Variants in ARSL observed in about 807,000 individuals in gnomAD.
ARSL encodes the protein arylsulfatase L.
In ARSL, 4 loss-of-function variants were observed where a neutral mutation model predicts 31.1. The ratio of observed to expected loss-of-function variants is 0.13; its 90% CI spans 0.06 to 0.29. ARSL has a LOEUF of 0.29. ARSL is among the 10% of genes least tolerant of loss of function. The pLI is 1.00. For synonymous variants in ARSL, 198 were observed against 209.9 expected (o/e 0.94, Z 0.49); for missense variants, 312 against 497.8 (o/e 0.63, Z 3.55).
At chrX:2,961,220 G>A (rs2089628484) in intron 1 of ARSL, among the ~76,000 whole-genome samples, 1 of 111,416 alleles carries the variant, frequency 9.0e-6, no homozygotes, top group Non-Finnish European at 1.9e-5. Flanking sequence ...AGCACAGAGG[G>A]GCGGCCCCTC....
chrX:2,947,695 C>T (rs1325638200), intron 6 of ARSL, among the ~76,000 whole-genome samples: 3 of 111,894 alleles, frequency 2.7e-5, no homozygotes, highest in Non-Finnish European at 3.8e-5. Flanking sequence ...CCCAGGAGTT[C>T]GAGACCAGCC....
chrX:2,966,425 A>T (rs1380695922), upstream of ARSL, among the ~76,000 whole-genome samples: 2 of 108,997 alleles, frequency 1.8e-5, no homozygotes, highest in Non-Finnish European at 1.9e-5. Flanking sequence ...CATAATTATT[A>T]TATATAATAT....
At chrX:2,938,798 G>A (rs762776513) in intron 8 of ARSL, among the ~76,000 whole-genome samples, 28 of 111,932 alleles carry the variant, frequency 2.5e-4, no homozygotes, top group Non-Finnish European at 4.5e-4. Flanking sequence ...ATCAAGTTAA[G>A]GACCTTGAGA....
intron 2 of ARSL, chrX:2,960,037 A>G (rs1178554815): frequency 1.4e-5 from 3 of 208,462 alleles, no homozygotes; most frequent in Non-Finnish European, 2.6e-5. Context: ...TGGGAGGCCG[A>G]GGCGGGCGGA....
intron 2 of ARSL, 115 bp downstream of exon 2, chrX:2,960,263 C>G (rs12836850): frequency 4.9e-6 from 1 of 202,522 alleles, no homozygotes; most frequent in Non-Finnish European, 7.8e-6. Context: ...AGTGAGACTC[C>G]GTCTCAAAAA....
At chrX:2,963,505 C>T (rs980719086) in intron 1 of ARSL, among the ~76,000 whole-genome samples, 1 of 100,079 alleles carries the variant, frequency 1.0e-5, no homozygotes, top group Non-Finnish European at 2.0e-5. Context: ...AGGAAAAGTG[C>T]TCTTTTTCTA....
rs1242404525 is a variant in ARSL, at chrX:2,943,177, G to C, written c.1014C>G (p.Asp338Glu). ...WMVGRILDTLDVEGLSNSTLI... is the reference protein window; with the variant it reads ...WMVGRILDTLEVEGLSNSTLI... The stretch of plus-strand genomic sequence containing the variant: ...GGGTGCTGTTGCTCAAACCCTCCAC[G>C]TCCAAAGTGTCAAGGATCCGTCCTG... The change falls in exon 8 of 11, where the codon GAC (aspartate) becomes GAG (glutamate). Residue 338 changes from aspartate (D) to glutamate (E), a missense_variant. By Grantham distance (45) the Asp-to-Glu change is conservative. Transcript: ENST00000381134. 7.4e-6 allele frequency: 9 copies of C among 1,210,765 alleles called. No homozygotes were observed. Among genetic ancestry groups the C allele is most frequent in the Admixed American group, 2.2e-5 (1 of 45,952 alleles).
Position 2,958,420 on chromosome X carries a change from G to A in ARSL, c.39C>T (p.Ser13=). The A allele has an allele frequency of 1.7e-6, 2 of 1,212,014 alleles. No homozygotes were observed. The highest frequency in any genetic ancestry group is 2.2e-6 in the Non-Finnish European group (2 of 895,581). The stretch of plus-strand genomic sequence containing the variant: ...GTACAGCGAGCATCGCTGGCAGCCA[G>A]CTCCTGAAACACAAACTGTCAGAGA... ...HLHHSCLCFR[S]WLPAMLAVLL... is the part of the protein sequence containing the mutation. Residue 13 remains serine, a synonymous_variant, in exon 3 of 11, where the codon AGC becomes AGT. Transcript: ENST00000381134.
chrX:2,960,123 GC>G (rs1269285017), intron 2 of ARSL, among the ~76,000 whole-genome samples: 4 of 94,010 alleles, frequency 4.3e-5, no homozygotes, highest in Non-Finnish European at 8.8e-5. Flanking sequence ...CAAAAAATTA[GC>G]CGGGCGTGGT....
intron 3 of ARSL, among the ~76,000 whole-genome samples, chrX:2,956,435 C>T (rs187397016): frequency 2.7e-5 from 3 of 111,218 alleles, no homozygotes; most frequent in Non-Finnish European, 3.8e-5. Context: ...TTACAGGCAA[C>T]GACACTGATT....
At chrX:2,963,533 CTTTTTTTTTTTTTT>C (rs769134287) in intron 1 of ARSL, among the ~76,000 whole-genome samples, 1 of 59,805 alleles carries the variant, frequency 1.7e-5, no homozygotes, top group Non-Finnish European at 2.9e-5. Context: ...TTTTCTTTTC[CTTTTTTTTTTTTTT>C]TTTTTTTTTT....
intron 7 of ARSL, among the ~76,000 whole-genome samples, chrX:2,945,317 G>A (rs900705897): frequency 1.8e-5 from 2 of 111,820 alleles, no homozygotes; most frequent in African/African-American, 6.5e-5. Context: ...TAGGATCTGG[G>A]CAGCAGCAGG....
At chrX:2,943,716 T>C (rs112504680) in intron 7 of ARSL, among the ~76,000 whole-genome samples, 1 of 79,689 alleles carries the variant, frequency 1.3e-5, no homozygotes, top group Admixed American at 2.0e-4. Flanking sequence ...CGCTCCAGCC[T>C]GGGTGACAGA....
chrX:2,961,406 T>C (rs1603462495), intron 1 of ARSL, among the ~76,000 whole-genome samples: 1 of 111,630 alleles, frequency 9.0e-6, no homozygotes, highest in South Asian at 3.8e-4. Context: ...CTTTTTATCT[T>C]GCCCAAATTC....
At chrX:2,961,806 T>C (rs1232553649) in intron 1 of ARSL, among the ~76,000 whole-genome samples, 2 of 110,312 alleles carry the variant, frequency 1.8e-5, no homozygotes, top group Admixed American at 9.7e-5. Flanking sequence ...ATAACCTTGG[T>C]CTCCACAATC....
chrX:2,967,051 A>C (rs1440503521), upstream of ARSL, among the ~76,000 whole-genome samples: 1 of 111,832 alleles, frequency 8.9e-6, no homozygotes, highest in Non-Finnish European at 1.9e-5. Context: ...TATAGTACAT[A>C]TATACATATA....
At chrX:2,964,760 G>C (rs1220595581), upstream of ARSL, among the ~76,000 whole-genome samples, 1 of 110,997 alleles carries the variant, frequency 9.0e-6, no homozygotes, top group Non-Finnish European at 1.9e-5. Context: ...CTTGAGGCCA[G>C]GAGTTTCAGA....
chrX:2,950,041 T>C (rs975592530), intron 5 of ARSL, among the ~76,000 whole-genome samples: 3 of 111,586 alleles, frequency 2.7e-5, no homozygotes, highest in African/African-American at 9.8e-5. Flanking sequence ...GAGTCTGAGA[T>C]CAAAGTGTCT....
chrX:2,938,283 A>G, intron 8 of ARSL, 26 bp from the exon 9 acceptor site: 1 of 1,207,434 alleles, frequency 8.3e-7, no homozygotes, highest in Non-Finnish European at 1.1e-6. Context: ...AACAAAAGAA[A>G]GTGGTTAAAA....
Sources: allele counts gnomAD v4.1 joint callset (sites outside exome capture counted in the v4.1 genomes callset), GRCh38; gene constraint gnomAD v4.1.1; transcripts MANE v1.5; gene names NCBI Gene and HGNC (gene_info 2026-07-23, HGNC 2026-07-21).